The following TRIM69 variants were observed in gnomAD, a reference collection of about 807,000 sequenced individuals.
TRIM69 encodes the protein tripartite motif containing 69.
A neutral mutation model predicts 37.7 loss-of-function variants in TRIM69; 29 were observed. The observed-to-expected ratio is 0.77, with a 90% CI of 0.57 to 1.05. The LOEUF (loss-of-function observed/expected upper bound fraction) is 1.05. Among genes scored for constraint, TRIM69 ranks in the 50% least tolerant of loss-of-function variants. The probability of loss-of-function intolerance (pLI) is 0.00; values close to 1 mark genes in which losing one functional copy is unlikely to be tolerated. For missense variants in TRIM69, 596 were observed against 579.9 expected, an observed-to-expected ratio of 1.03 and a Z score of -0.28; for synonymous variants, 209 against 212.4, an observed-to-expected ratio of 0.98 and a Z score of 0.14.
rs775392456 is a variant in TRIM69 at position 44,759,636 on chromosome 15, C to G, written c.814-4C>G. 1.9e-6 allele frequency: 3 copies of G among 1,613,768 alleles called. No homozygotes were observed. Among genetic ancestry groups the G allele is most frequent in the Non-Finnish European group, 2.5e-6 (3 of 1,179,882 alleles). On this transcript the variant is annotated splice_region_variant and splice_polypyrimidine_tract_variant and intron_variant, in intron 4 of 6. Transcript: ENST00000329464. ...CTGATGTCTCTCTTTCTCCTTTCTT[C>G]TAGGACATCACAACTCTCTTACATA...
chr15:44,743,047 C>T (rs1324180281), intron 1 of TRIM69, among the ~76,000 whole-genome samples: 1 of 152,040 alleles, frequency 6.6e-6, no homozygotes, highest in Non-Finnish European at 1.5e-5. Flanking sequence ...AGGCATCATG[C>T]TACCTGACTT....
In TRIM69 at chr15:44,756,368, G is replaced by A; in HGVS notation, c.484G>A (p.Glu162Lys). Residue 162 changes from glutamate (E) to lysine (K), a missense_variant and splice_region_variant, in exon 3 of 7, where the codon GAG becomes AAG. Glu to Lys is a moderately conservative substitution (Grantham distance 56). Transcript: ENST00000329464. ...QISDAVHFFT[E>K]ELAIQQGQLE... is the part of the protein sequence containing the mutation. The stretch of plus-strand genomic sequence containing the variant: ...GGTTAATTCTATTTGATATTCCCAG[G>A]AGGAGCTTGCCATCCAACAGGGTCA... 6.5e-7 allele frequency: 1 copy of A among 1,547,828 alleles called. No individual in the cohort carries two copies. The highest frequency in any genetic ancestry group is 8.7e-7 in the Non-Finnish European group (1 of 1,144,316).
intron 2 of TRIM69, among the ~76,000 whole-genome samples, chr15:44,755,985 C>T (rs2087637152): frequency 6.6e-6 from 1 of 152,064 alleles, no homozygotes; most frequent in South Asian, 2.1e-4. Context: ...AGTTCTATTC[C>T]CTTCTTCAAA....
intron 1 of TRIM69, among the ~76,000 whole-genome samples, chr15:44,740,072 C>A (rs564478715): frequency 6.6e-6 from 1 of 152,328 alleles, no homozygotes; most frequent in South Asian, 2.1e-4. Flanking sequence ...TCGCGGTTCA[C>A]GAAAATCCAC....
chr15:44,765,761 A>C (rs2087872493), intron 6 of TRIM69, among the ~76,000 whole-genome samples: 1 of 21,698 alleles, frequency 4.6e-5, no homozygotes, highest in Non-Finnish European at 1.5e-4. Context: ...CTCAAAAAAA[A>C]CAAAACAAAA....
intron 4 of TRIM69, 68 bp from the exon 5 acceptor site, chr15:44,759,572 G>C: frequency 6.4e-7 from 1 of 1,552,016 alleles, no homozygotes; most frequent in Non-Finnish European, 8.8e-7. Flanking sequence ...GTGGTGGCTG[G>C]TATCACCAAA....
chr15:44,766,236 G>C (rs1164923888), intron 6 of TRIM69, among the ~76,000 whole-genome samples: 4 of 152,090 alleles, frequency 2.6e-5, no homozygotes, highest in Non-Finnish European at 1.5e-5. Flanking sequence ...CTGTCAATTT[G>C]CTATGAAAGT....
intron 3 of TRIM69, 128 bp from the exon 4 acceptor site, chr15:44,758,493 T>A (rs761724192): frequency 1.5e-6 from 2 of 1,323,706 alleles, no homozygotes; most frequent in East Asian, 5.0e-5. Context: ...AATTTGATAT[T>A]CAGTAGCCAT....
intron 1 of TRIM69, among the ~76,000 whole-genome samples, chr15:44,743,855 G>T (rs2087346069): frequency 6.6e-6 from 1 of 152,190 alleles, no homozygotes; most frequent in Admixed American, 6.6e-5. Flanking sequence ...TACACTGTTG[G>T]TGGGACTGTA....
chr15:44,752,650 C>T (rs2087559274), intron 1 of TRIM69, among the ~76,000 whole-genome samples: 1 of 152,072 alleles, frequency 6.6e-6, no homozygotes, highest in Non-Finnish European at 1.5e-5. Context: ...CTTACCTATG[C>T]CATTTTGTTA....
At chr15:44,736,828 T>A (rs952065306) in intron 1 of TRIM69, 118 bp downstream of exon 1, 44 of 1,220,120 alleles carry the variant, frequency 3.6e-5, no homozygotes, top group Non-Finnish European at 4.9e-5. Context: ...AGGGAAGTAT[T>A]TAACTTGTGA....
chr15:44,767,113 G>A (rs12907112), intron 6 of TRIM69, 118 bp from the exon 7 acceptor site: 1 of 398,526 alleles, frequency 2.5e-6, no homozygotes, highest in African/African-American at 2.3e-5. Context: ...GCCTGTCTAA[G>A]AGTCTATGTG....
At chr15:44,748,694 C>T (rs779997509) in intron 1 of TRIM69, among the ~76,000 whole-genome samples, 11 of 151,202 alleles carry the variant, frequency 7.3e-5, no homozygotes, top group Admixed American at 2.6e-4. Context: ...GGCATGGTGA[C>T]GCATGCCTGT....
At chr15:44,766,098 ATC>A (rs2087882638) in intron 6 of TRIM69, among the ~76,000 whole-genome samples, 1 of 152,236 alleles carries the variant, frequency 6.6e-6, no homozygotes, top group Non-Finnish European at 1.5e-5. Flanking sequence ...AAAAATCTCA[ATC>A]TGTCATGGAC....
intron 1 of TRIM69, among the ~76,000 whole-genome samples, chr15:44,740,599 C>T (rs1240894870): frequency 2.0e-5 from 3 of 151,680 alleles, no homozygotes; most frequent in East Asian, 1.9e-4. Flanking sequence ...CACATAGGCT[C>T]AAAATGAAAG....
intron 1 of TRIM69, chr15:44,752,923 T>C (rs1387532455): frequency 6.6e-6 from 1 of 152,196 alleles, no homozygotes; most frequent in African/African-American, 2.4e-5. Flanking sequence ...CAGCTCTGTT[T>C]TCTCCTTTTT....
In TRIM69 at chr15:44,754,955, A is replaced by T; in HGVS notation, c.62A>T (p.Asp21Val). The T allele has an allele frequency of 6.2e-7, 1 of 1,614,142 alleles. No homozygotes were observed. ...CCAGGCGACTATGTTGAAATGAATG[A>T]TTCAATCACCCACCTACCCTCTAAA... ...IDPGDYVEMN[D>V]SITHLPSKVV... The change falls in exon 2 of 7, where the codon GAT becomes GTT. Residue 21 changes from aspartate to valine, a missense_variant. By Grantham distance (152) the Asp-to-Val change is radical. Transcript: ENST00000329464.
In TRIM69 at chr15:44,767,768, A is replaced by T; in HGVS notation, c.1499A>T (p.Gln500Leu). 2 of 1,608,798 alleles carry T rather than the reference A, an allele frequency of 1.2e-6. No homozygotes were observed. Among genetic ancestry groups the T allele is most frequent in the Non-Finnish European group, 1.7e-6 (2 of 1,178,502 alleles). Reference sequence around the variant, plus strand: ...GAACCATTGCACATCTTACATCCACAGTAATGAGTCATAATATTATACAAA... The same window carrying T: ...GAACCATTGCACATCTTACATCCACTGTAATGAGTCATAATATTATACAAA... ...NKEPLHILHP[Q>L] is the part of the protein sequence containing the mutation. Residue 500 changes from glutamine (Q) to leucine (L), a missense_variant, in exon 7 of 7, where the codon CAG becomes CTG. Physicochemically the swap from Gln to Leu is moderately radical, Grantham distance 113. Transcript: ENST00000329464.
intron 4 of TRIM69, 62 bp downstream of exon 4, chr15:44,758,916 G>C: frequency 6.5e-7 from 1 of 1,543,650 alleles, no homozygotes. Flanking sequence ...AAGAGGTTTG[G>C]AAAGAATGCG....
Sources: gnomAD v4.1 joint callset for allele counts (sites outside exome capture counted in the v4.1 genomes callset) on GRCh38, gnomAD v4.1.1 for gene constraint, MANE v1.5 for transcripts, NCBI Gene and HGNC (gene_info 2026-07-23, HGNC 2026-07-21) for gene names.